The following SOX5 variants were observed in gnomAD, a reference collection of about 807,000 sequenced individuals.
SOX5 encodes SRY-box transcription factor 5, also known as transcription factor SOX-5.
A neutral mutation model predicts 92.0 loss-of-function variants in SOX5; 9 were observed. That is an observed-to-expected ratio of 0.10 (90% CI 0.06 to 0.17). The LOEUF is 0.17. Among genes scored for constraint, SOX5 ranks in the 10% least tolerant of loss-of-function variants. The pLI, the probability that SOX5 is intolerant of heterozygous loss-of-function variation, is 1.00. For missense variants in SOX5, 642 were observed against 944.5 expected, an observed-to-expected ratio of 0.68 and a Z score of 4.20; for synonymous variants, 344 against 336.3, an observed-to-expected ratio of 1.02 and a Z score of -0.25.
At chr12:23,601,155 C>T in intron 9 of SOX5, among the ~76,000 whole-genome samples, 1 of 152,110 alleles carries the variant, frequency 6.6e-6, no homozygotes, top group East Asian at 1.9e-4. Flanking sequence ...TGGCACACAG[C>T]AGATTGAAAA....
intron 6 of SOX5, among the ~76,000 whole-genome samples, chr12:23,710,110 G>C (rs963853094): frequency 6.6e-6 from 1 of 151,998 alleles, no homozygotes; most frequent in Non-Finnish European, 1.5e-5. Context: ...GTTACATACA[G>C]ACACACACCA....
At chr12:23,814,862 T>C (rs1307779269) in intron 3 of SOX5, among the ~76,000 whole-genome samples, 1 of 152,214 alleles carries the variant, frequency 6.6e-6, no homozygotes, top group Non-Finnish European at 1.5e-5. Context: ...ATTTTCCTTT[T>C]TCCTTTTTTA....
intron 9 of SOX5, chr12:23,584,601 A>C: frequency 3.1e-6 from 5 of 1,607,876 alleles, no homozygotes; most frequent in Admixed American, 1.7e-5. Flanking sequence ...AACCCACTAT[A>C]ACTGACTGTT....
At chr12:23,812,893 G>A (rs2095903275) in intron 3 of SOX5, among the ~76,000 whole-genome samples, 1 of 152,092 alleles carries the variant, frequency 6.6e-6, no homozygotes, top group Non-Finnish European at 1.5e-5. Flanking sequence ...AAAAAGACAA[G>A]TCCGACAGTA....
intron 3 of SOX5, among the ~76,000 whole-genome samples, chr12:23,809,685 T>C (rs1372998321): frequency 2.0e-5 from 3 of 151,604 alleles, no homozygotes; most frequent in Non-Finnish European, 4.4e-5. Flanking sequence ...AGTTTTTCCC[T>C]TTTTTAATGT....
chr12:24,460,105 G>A (rs1434707277), intron 1 of SOX5, among the ~76,000 whole-genome samples: 2 of 152,204 alleles, frequency 1.3e-5, no homozygotes, highest in Non-Finnish European at 2.9e-5. Flanking sequence ...AAGGGTAGGG[G>A]TGCAAAATGA....
intron 3 of SOX5, among the ~76,000 whole-genome samples, chr12:23,801,186 T>C (rs1476936064): frequency 6.6e-6 from 1 of 152,146 alleles, no homozygotes; most frequent in Admixed American, 6.5e-5. Flanking sequence ...CAAAATCCAG[T>C]GCATAGGACT....
intron 3 of SOX5, among the ~76,000 whole-genome samples, chr12:23,772,015 C>G (rs1488285106): frequency 6.6e-6 from 1 of 152,118 alleles, no homozygotes; most frequent in African/African-American, 2.4e-5. Context: ...ACGTCTCTCT[C>G]AAAGTTCAAG....
intron 2 of SOX5, among the ~76,000 whole-genome samples, chr12:24,310,662 G>A (rs1949076211): frequency 6.6e-6 from 1 of 152,064 alleles, no homozygotes; most frequent in Admixed American, 6.5e-5. Context: ...ATTACTGGCA[G>A]AAAAAGTGGG....
chr12:23,625,273 A>C (rs2077624245), intron 8 of SOX5, among the ~76,000 whole-genome samples: 1 of 152,162 alleles, frequency 6.6e-6, no homozygotes, highest in Non-Finnish European at 1.5e-5. Context: ...CTTCCTTCCC[A>C]ATCTCTGAAA....
At chr12:23,740,354 C>G (rs2093750723) in intron 5 of SOX5, among the ~76,000 whole-genome samples, 1 of 152,164 alleles carries the variant, frequency 6.6e-6, no homozygotes, top group Non-Finnish European at 1.5e-5. Context: ...AACTCTTCCA[C>G]CTGTTTATTC....
At chr12:23,574,180 C>T (rs1948782121) in intron 10 of SOX5, among the ~76,000 whole-genome samples, 1 of 152,036 alleles carries the variant, frequency 6.6e-6, no homozygotes, top group African/African-American at 2.4e-5. Context: ...CTTCACTCCA[C>T]TTCTTTTCTT....
chr12:23,549,822 T>G (rs1331878143), intron 11 of SOX5, among the ~76,000 whole-genome samples: 2 of 151,922 alleles, frequency 1.3e-5, no homozygotes, highest in Non-Finnish European at 2.9e-5. Context: ...GGAGAAACAT[T>G]AGGTTAAGTC....
chr12:24,202,764 ATTACTTT>A (rs1448677518), intron 4 of SOX5, among the ~76,000 whole-genome samples: 1 of 152,156 alleles, frequency 6.6e-6, no homozygotes, highest in Non-Finnish European at 1.5e-5. Context: ...CATGACAGAA[ATTACTTT>A]TTGTGCCTTT....
At chr12:23,796,159 T>C (rs1475680555) in intron 3 of SOX5, among the ~76,000 whole-genome samples, 3 of 152,126 alleles carry the variant, frequency 2.0e-5, no homozygotes, top group African/African-American at 7.2e-5. Flanking sequence ...AGGACTCTAA[T>C]TACACAGTGC....
chr12:23,767,059 T>C (rs1026796766), intron 3 of SOX5, among the ~76,000 whole-genome samples: 2 of 152,014 alleles, frequency 1.3e-5, no homozygotes, highest in Non-Finnish European at 2.9e-5. Context: ...CAATCAAAAC[T>C]AGCCGGGCAT....
chr12:23,864,249 T>C (rs1210880746), intron 2 of SOX5, among the ~76,000 whole-genome samples: 1 of 152,158 alleles, frequency 6.6e-6, no homozygotes, highest in Admixed American at 6.5e-5. Context: ...CACCATTGAC[T>C]GCTATTTTCC....
chr12:23,554,106 A>G (rs1021286299), intron 11 of SOX5, among the ~76,000 whole-genome samples: 9 of 152,122 alleles, frequency 5.9e-5, no homozygotes, highest in African/African-American at 2.2e-4. Context: ...ATATTAGAAT[A>G]GATATTTTAA....
intron 1 of SOX5, among the ~76,000 whole-genome samples, chr12:24,394,211 C>A (rs1237306259): frequency 6.6e-6 from 1 of 152,094 alleles, no homozygotes; most frequent in Non-Finnish European, 1.5e-5. Flanking sequence ...GCAGCAGGGC[C>A]ATCCCATGAG....
Sources: gnomAD v4.1 joint callset for allele counts (sites outside exome capture counted in the v4.1 genomes callset) on GRCh38, gnomAD v4.1.1 for gene constraint, MANE v1.5 for transcripts, NCBI Gene and HGNC (gene_info 2026-07-23, HGNC 2026-07-21) for gene names.